Variants in PLGRKT observed in about 807,000 individuals in gnomAD.
The protein encoded by PLGRKT is plasminogen receptor (KT).
Under a neutral mutation model 18.5 loss-of-function variants are expected in PLGRKT, and 22 were observed. The ratio of observed to expected loss-of-function variants is 1.19; its 90% confidence interval spans 0.85 to 1.70. The LOEUF is 1.70. Ranked by LOEUF, PLGRKT falls within the 40% of genes most tolerant of loss-of-function variation. The pLI is 0.00. For synonymous variants in PLGRKT, 72 were observed against 52.8 expected, an observed-to-expected ratio of 1.36 and a Z score of -1.58; for missense variants, 235 against 174.4, an observed-to-expected ratio of 1.35 and a Z score of -1.96.
At chr9:5,395,864 T>C (rs1818034701) in intron 3 of PLGRKT, among the ~76,000 whole-genome samples, 1 of 150,400 alleles carries the variant, frequency 6.6e-6, no homozygotes, top group African/African-American at 2.5e-5. Context: ...AGAAATGCAT[T>C]AGGGTTCATC....
At chr9:5,364,574 T>C (rs946383444) in intron 3 of PLGRKT, among the ~76,000 whole-genome samples, 3 of 152,194 alleles carry the variant, frequency 2.0e-5, no homozygotes, top group Admixed American at 1.3e-4. Context: ...CTGACTGTGC[T>C]ACAAATGTGT....
At chr9:5,401,717 C>G (rs1818157710) in intron 3 of PLGRKT, among the ~76,000 whole-genome samples, 1 of 151,912 alleles carries the variant, frequency 6.6e-6, no homozygotes, top group Admixed American at 6.6e-5. Context: ...GCCAATATCA[C>G]CTTAATTTAT....
At chr9:5,364,584 T>A (rs571380393) in intron 3 of PLGRKT, among the ~76,000 whole-genome samples, 2 of 152,296 alleles carry the variant, frequency 1.3e-5, no homozygotes, top group East Asian at 3.9e-4. Context: ...TACAAATGTG[T>A]GGCACAACCT....
At chr9:5,371,679 T>C (rs1817519226) in intron 3 of PLGRKT, among the ~76,000 whole-genome samples, 1 of 152,164 alleles carries the variant, frequency 6.6e-6, no homozygotes, top group African/African-American at 2.4e-5. Flanking sequence ...TCTAAAATTC[T>C]TGAAAGTCAC....
In PLGRKT at chr9:5,400,253, A is replaced by G. The variant is rs151162307; in HGVS notation, c.81+31644T>C. ...AAATTACGCATAATCCCCACTCAAT[A>G]TAACTTCTAATACTCAAAGGTCTTC... On this transcript the variant is annotated intron_variant, in intron 3 of 5. Transcript: ENST00000223864. 3.6e-3 allele frequency among the ~76,000 whole-genome samples: 553 copies of G among 152,024 alleles called. 12 individuals are homozygous for G. The highest frequency in any genetic ancestry group is 0.013 in the African/African-American group (536 of 41,294).
At chr9:5,391,993 G>C (rs1259777196) in intron 3 of PLGRKT, among the ~76,000 whole-genome samples, 2 of 151,846 alleles carry the variant, frequency 1.3e-5, no homozygotes, top group South Asian at 2.1e-4. Flanking sequence ...AGTTGGTCTG[G>C]CCTGGGCAAC....
chr9:5,365,246 T>C (rs1817360069), intron 3 of PLGRKT, among the ~76,000 whole-genome samples: 1 of 152,084 alleles, frequency 6.6e-6, no homozygotes, highest in Non-Finnish European at 1.5e-5. Flanking sequence ...AAAATAATAA[T>C]AATGATGATG....
At chr9:5,425,589 AAAG>A (rs1818681786) in intron 3 of PLGRKT, among the ~76,000 whole-genome samples, 2 of 152,180 alleles carry the variant, frequency 1.3e-5, no homozygotes, top group South Asian at 4.1e-4. Flanking sequence ...CATCACAGAA[AAAG>A]AAGGGAAAAA....
In PLGRKT at chr9:5,361,185, GCT is replaced by G; in HGVS notation, c.213_214del (p.Ala72AspfsTer2). Reference sequence around the variant, plus strand: ...GAAGGCTGGCTTCTTTTTTTTAATCGCTCTGTTTCAAGAATTAAAAGAAGAAC... The same window carrying G: ...GAAGGCTGGCTTCTTTTTTTTAATCGCTGTTTCAAGAATTAAAAGAAGAAC... On this transcript the variant is annotated frameshift_variant and splice_region_variant, in exon 5 of 6. Coordinates refer to ENST00000223864, the MANE Select transcript of PLGRKT (RefSeq NM_018465.4). LOFTEE classifies it high-confidence loss of function. 1.3e-6 allele frequency: 2 copies of G among 1,577,020 alleles called. No individual in the cohort carries two copies. Among genetic ancestry groups the G allele is most frequent in the Non-Finnish European group, 8.7e-7 (1 of 1,149,780 alleles).
chr9:5,367,960 T>C (rs1030473191), intron 3 of PLGRKT, among the ~76,000 whole-genome samples: 3 of 152,124 alleles, frequency 2.0e-5, no homozygotes, highest in Non-Finnish European at 4.4e-5. Context: ...AAAGAAGACA[T>C]ATGCTTGGCC....
chr9:5,396,320 C>G (rs1425122434), intron 3 of PLGRKT, among the ~76,000 whole-genome samples: 2 of 151,780 alleles, frequency 1.3e-5, no homozygotes, highest in Non-Finnish European at 2.9e-5. Flanking sequence ...GGGTGTCACT[C>G]TGTAGCCCAG....
intron 3 of PLGRKT, among the ~76,000 whole-genome samples, chr9:5,419,161 G>A (rs1293538825): frequency 2.6e-5 from 4 of 152,184 alleles, no homozygotes; most frequent in Non-Finnish European, 4.4e-5. Flanking sequence ...CCAGCAGCGG[G>A]GCACATCTTC....
At chr9:5,434,335 C>CTT (rs1177952396) in intron 2 of PLGRKT, among the ~76,000 whole-genome samples, 3 of 140,348 alleles carry the variant, frequency 2.1e-5, no homozygotes, top group East Asian at 2.2e-4. Flanking sequence ...CCTGGCCACC[C>CTT]CGTCTGGGAG....
Position 5,418,527 on chromosome 9 carries a change from C to T in PLGRKT, c.81+13370G>A, listed in dbSNP as rs1586738830. 9 of 969,656 alleles carry T rather than the reference C, an allele frequency of 9.3e-6. No individual in the cohort carries two copies. The highest frequency in any genetic ancestry group is 1.3e-5 in the Non-Finnish European group (8 of 601,944). The allele number at this position is 969,656 out of a possible 1,614,324, so 60.1% of individuals were successfully genotyped here. A position where few individuals can be genotyped will look rare whatever the true frequency, so the allele number is the denominator to read the frequency against. On this transcript the variant is annotated intron_variant, in intron 3 of 5. Coordinates refer to ENST00000223864, the MANE Select transcript of PLGRKT (RefSeq NM_018465.4). This position sits in a 1 kb window ranked among gnomAD's most constrained non-coding sequence, Gnocchi z 4.2. ...TGCCCCGCCTGTCCTGCTCCTCCTC[C>T]GCCACCCCCTGGGGAGCCCTGCCTT...
chr9:5,387,015 G>T (rs1264540593), intron 3 of PLGRKT, among the ~76,000 whole-genome samples: 1 of 152,026 alleles, frequency 6.6e-6, no homozygotes, highest in South Asian at 2.1e-4. Context: ...ATGGCAAACG[G>T]ACAGACTGCC....
intron 3 of PLGRKT, among the ~76,000 whole-genome samples, chr9:5,369,111 T>A (rs1161339381): frequency 6.6e-6 from 1 of 152,132 alleles, no homozygotes; most frequent in Non-Finnish European, 1.5e-5. Flanking sequence ...ACAAATTGGA[T>A]CTCATCAAAC....
intron 2 of PLGRKT, 21 bp from the exon 3 acceptor site, chr9:5,432,004 G>C (rs903360513): frequency 1.8e-6 from 2 of 1,091,682 alleles, no homozygotes; most frequent in Non-Finnish European, 2.8e-6. Context: ...AAAAAAGCAA[G>C]GAGACTTATA....
chr9:5,366,623 A>T (rs1817393206), intron 3 of PLGRKT, among the ~76,000 whole-genome samples: 1 of 152,114 alleles, frequency 6.6e-6, no homozygotes, highest in Non-Finnish European at 1.5e-5. Flanking sequence ...TCTATGACAA[A>T]CTCACAGCCT....
At chr9:5,378,145 C>T (rs72703667) in intron 3 of PLGRKT, among the ~76,000 whole-genome samples, 3 of 152,184 alleles carry the variant, frequency 2.0e-5, no homozygotes, top group Admixed American at 1.3e-4. Flanking sequence ...TACATTTGAA[C>T]AGGCAACCAA....
Sources: gnomAD v4.1 joint callset for allele counts (sites outside exome capture counted in the v4.1 genomes callset) on GRCh38, gnomAD v4.1.1 for gene constraint, Gnocchi (gnomAD v3.1) non-coding constraint, MANE v1.5 for transcripts, NCBI Gene and HGNC (gene_info 2026-07-23, HGNC 2026-07-21) for gene names.